Variants in ITGA8 observed in about 807,000 individuals in gnomAD.
The protein encoded by ITGA8 is integrin subunit alpha 8, also known as integrin alpha-8.
In ITGA8, 91 loss-of-function variants were observed where a neutral mutation model predicts 142.3. The ratio of observed to expected loss-of-function variants is 0.64; its 90% CI spans 0.54 to 0.76. The LOEUF is 0.76. Ranked by LOEUF, ITGA8 falls within the 30% of genes least tolerant of loss-of-function variation. The pLI, the probability that ITGA8 is intolerant of heterozygous loss-of-function variation, is 0.00. For missense variants in ITGA8, 1,406 were observed against 1,327.7 expected (o/e 1.06, Z -0.92); for synonymous variants, 505 against 485.2 (o/e 1.04, Z -0.54).
chr10:15,576,326 A>G (rs1035718016), intron 23 of ITGA8, among the ~76,000 whole-genome samples: 2 of 152,184 alleles, frequency 1.3e-5, no homozygotes, highest in African/African-American at 4.8e-5. Context: ...TTTTCCTGCA[A>G]CGTACACCTA....
chr10:15,554,335 G>T (rs1436735790), intron 26 of ITGA8, among the ~76,000 whole-genome samples: 1 of 152,160 alleles, frequency 6.6e-6, no homozygotes, highest in Admixed American at 6.5e-5. Flanking sequence ...GAGAGGCAGA[G>T]CCTATGGGGG....
At chr10:15,562,223 G>A (rs913212915) in intron 25 of ITGA8, among the ~76,000 whole-genome samples, 1 of 152,190 alleles carries the variant, frequency 6.6e-6, no homozygotes, top group African/African-American at 2.4e-5. Flanking sequence ...TAGAGCTATT[G>A]CGTAGGAAGG....
At chr10:15,710,320 G>T (rs1835340503) in intron 2 of ITGA8, among the ~76,000 whole-genome samples, 1 of 152,026 alleles carries the variant, frequency 6.6e-6, no homozygotes, top group Non-Finnish European at 1.5e-5. Flanking sequence ...CATTTTTAAT[G>T]GTTATATAAT....
At position 15,548,072 on chromosome 10, in the gene ITGA8, T is replaced by C. The variant is rs530235359; in HGVS notation, c.2880+383A>G. On this transcript the variant is annotated intron_variant, in intron 27 of 29. Transcript: ENST00000378076. ...TACATTGAAAAATGTAAAAAAAATT[T>C]TTTTAAGTTTAAAATTCAAGTTTTA... Among the ~76,000 whole-genome samples the C allele has an allele frequency of 1.6e-4, 24 of 152,258 alleles. No individual in the cohort carries two copies. The East Asian group carries it at 4.1e-3, about 26-fold the overall frequency.
At chr10:15,630,112 T>C (rs1407076933) in intron 13 of ITGA8, among the ~76,000 whole-genome samples, 1 of 152,158 alleles carries the variant, frequency 6.6e-6, no homozygotes, top group East Asian at 1.9e-4. Context: ...TAGCCAAGAA[T>C]CAGTCTGCTA....
chr10:15,582,702 G>A (rs1834431614), intron 23 of ITGA8, among the ~76,000 whole-genome samples: 1 of 152,182 alleles, frequency 6.6e-6, no homozygotes, highest in South Asian at 2.1e-4. Flanking sequence ...TGGTCATTAA[G>A]CAAATGAAAA....
intron 24 of ITGA8, among the ~76,000 whole-genome samples, chr10:15,574,707 A>ATG (rs1564358223): frequency 1.5e-5 from 2 of 134,924 alleles, no homozygotes; most frequent in East Asian, 5.3e-4. Flanking sequence ...ATATATGTAT[A>ATG]TATATATTTT....
intron 2 of ITGA8, among the ~76,000 whole-genome samples, chr10:15,717,329 T>A (rs1835472220): frequency 6.6e-6 from 1 of 152,242 alleles, no homozygotes; most frequent in Admixed American, 6.5e-5. Context: ...TGGCCTGCTT[T>A]AAAATACTTT....
intron 2 of ITGA8, among the ~76,000 whole-genome samples, chr10:15,705,603 C>A (rs189082473): frequency 3.2e-4 from 48 of 152,236 alleles, no homozygotes; most frequent in African/African-American, 1.1e-3. Flanking sequence ...AGCTATAATA[C>A]CTTCTTAACT....
intron 26 of ITGA8, among the ~76,000 whole-genome samples, chr10:15,551,475 G>A (rs1206264891): frequency 6.6e-6 from 1 of 152,116 alleles, no homozygotes; most frequent in Non-Finnish European, 1.5e-5. Flanking sequence ...AGAAAGGCAA[G>A]GTGGCTGGAA....
chr10:15,536,850 C>T (rs867800519), intron 27 of ITGA8, among the ~76,000 whole-genome samples: 3 of 152,166 alleles, frequency 2.0e-5, no homozygotes, highest in South Asian at 2.1e-4. Context: ...GAGGAGTTAG[C>T]GACCTAGTGT....
At chr10:15,555,426 GA>G (rs1006181310) in intron 26 of ITGA8, among the ~76,000 whole-genome samples, 2 of 152,010 alleles carry the variant, frequency 1.3e-5, no homozygotes, top group Non-Finnish European at 2.9e-5. Flanking sequence ...ACAACACTGA[GA>G]AAAAAAACAT....
chr10:15,680,344 C>T (rs999893947), intron 4 of ITGA8, among the ~76,000 whole-genome samples: 16 of 150,288 alleles, frequency 1.1e-4, no homozygotes, highest in African/African-American at 3.9e-4. Context: ...TCTCCTGCCT[C>T]AGCCTCCCGA....
intron 13 of ITGA8, among the ~76,000 whole-genome samples, chr10:15,634,530 C>T (rs184067884): frequency 4.6e-5 from 7 of 152,184 alleles, no homozygotes; most frequent in East Asian, 3.9e-4. Context: ...TGATTTAATT[C>T]GGGCCCGTGA....
chr10:15,640,570 C>T (rs12267277), intron 13 of ITGA8, among the ~76,000 whole-genome samples: 3,734 of 152,300 alleles, frequency 0.025, 140 homozygotes, highest in African/African-American at 0.086. Flanking sequence ...AGAAAGCATG[C>T]CATCCAACTA....
chr10:15,518,938 T>C (rs1833009097), intron 29 of ITGA8, among the ~76,000 whole-genome samples: 1 of 152,230 alleles, frequency 6.6e-6, no homozygotes, highest in South Asian at 2.1e-4. Flanking sequence ...CTTATGATCT[T>C]GGTTAATTAA....
At chr10:15,612,628 G>C (rs1160914537) in intron 15 of ITGA8, among the ~76,000 whole-genome samples, 1 of 152,122 alleles carries the variant, frequency 6.6e-6, no homozygotes, top group Non-Finnish European at 1.5e-5. Flanking sequence ...AAATTCAGAA[G>C]GAACACTTTC....
intron 12 of ITGA8, among the ~76,000 whole-genome samples, chr10:15,645,639 C>G (rs1747310657): frequency 6.6e-6 from 1 of 152,036 alleles, no homozygotes; most frequent in African/African-American, 2.4e-5. Flanking sequence ...AAACATTGGC[C>G]AAATATACTA....
chr10:15,609,358 T>C (rs1431437250), intron 15 of ITGA8, among the ~76,000 whole-genome samples: 1 of 152,238 alleles, frequency 6.6e-6, no homozygotes, highest in African/African-American at 2.4e-5. Context: ...ATGATGTGGA[T>C]ATTTCTACAG....
Sources: allele counts gnomAD v4.1 joint callset (sites outside exome capture counted in the v4.1 genomes callset), GRCh38; gene constraint gnomAD v4.1.1; transcripts MANE v1.5; gene names NCBI Gene and HGNC (gene_info 2026-07-23, HGNC 2026-07-21).